PRMT8: variants seen among roughly 807,000 people sequenced by gnomAD.
The protein encoded by PRMT8 is protein arginine methyltransferase 8.
Under a neutral mutation model 47.1 loss-of-function variants are expected in PRMT8, and 7 were observed. The ratio of observed to expected loss-of-function variants is 0.15; its 90% CI spans 0.08 to 0.28. PRMT8 has a LOEUF of 0.28. PRMT8 is among the 10% of genes least tolerant of loss of function. PRMT8 has a pLI of 1.00. For synonymous variants in PRMT8, 188 were observed against 186.5 expected (o/e 1.01, Z -0.07); for missense variants, 237 against 505.4 (o/e 0.47, Z 5.09).
intron 1 of PRMT8, among the ~76,000 whole-genome samples, chr12:3,530,604 C>G (rs1234414235): frequency 6.6e-6 from 1 of 152,050 alleles, no homozygotes; most frequent in Non-Finnish European, 1.5e-5. Flanking sequence ...GATATCAATC[C>G]CATAATGCCC....
Position 3,580,004 on chromosome 12 carries a change from C to G in PRMT8, c.828+3018C>G, listed in dbSNP as rs530209003. On this transcript the variant is annotated intron_variant, in intron 7 of 9. Coordinates refer to ENST00000382622, the MANE Select transcript of PRMT8 (RefSeq NM_019854.5). The surrounding 1 kb of genome is among the most constrained non-coding windows in gnomAD (Gnocchi z 4.6). ...GCTGGGCTCTGGGGAGTCAGGGTAA[C>G]TGGGGCTGATTTGGTTGGGGGTTGG... Among the ~76,000 whole-genome samples, 18 of 152,124 alleles carry G rather than the reference C, an allele frequency of 1.2e-4. No individual in the cohort carries two copies. In the South Asian group the frequency reaches 3.7e-3, roughly 32 times the overall value.
In PRMT8 at chr12:3,393,554, T is replaced by A. The variant is rs570803223; in HGVS notation, c.48+12112T>A. Among the ~76,000 whole-genome samples the A allele has an allele frequency of 1.1e-3, 166 of 152,328 alleles. 2 individuals carry two copies. The South Asian group carries it at 0.019, about 17-fold the overall frequency. On this transcript the variant is annotated intron_variant, in intron 1 of 9. Coordinates refer to the PRMT8 transcript ENST00000452611. ...TGTGGTGTTATTTCTGAGGGCTCTG[T>A]TCTGTTCCATTGGTCTATATCTCTG...
rs138412553 is a variant in PRMT8, at chr12:3,419,474, T to C, written c.48+38032T>C. Among the ~76,000 whole-genome samples the C allele has an allele frequency of 5.8e-3, 884 of 152,280 alleles. 11 individuals carry two copies. The highest frequency in any genetic ancestry group is 0.021 in the African/African-American group (853 of 41,568). On this transcript the variant is annotated intron_variant, in intron 1 of 9. Transcript: ENST00000452611. ...TTTACCTGCTCATCTACCTGGGCTGTCTCTCTTGGAAGATGACACTGCTGA... is the reference window on the plus strand; with the variant it reads ...TTTACCTGCTCATCTACCTGGGCTGCCTCTCTTGGAAGATGACACTGCTGA...
intron 1 of PRMT8, among the ~76,000 whole-genome samples, chr12:3,459,975 A>G (rs1402450208): frequency 6.6e-6 from 1 of 152,106 alleles, no homozygotes; most frequent in Non-Finnish European, 1.5e-5. Flanking sequence ...AAACCCTACC[A>G]CACCGTCATT....
chr12:3,575,285 A>G (rs937281086), intron 6 of PRMT8, among the ~76,000 whole-genome samples: 3 of 152,256 alleles, frequency 2.0e-5, no homozygotes, highest in Admixed American at 1.3e-4. Flanking sequence ...AAACACACAC[A>G]GGAACATACG....
At position 3,527,293 on chromosome 12, in the gene PRMT8, T is replaced by A. The variant is rs183244573; in HGVS notation, c.76-13313T>A. Among the ~76,000 whole-genome samples the A allele has an allele frequency of 1.2e-4, 18 of 152,256 alleles. No individual in the cohort carries two copies. The East Asian group carries it at 2.1e-3, about 18-fold the overall frequency. On this transcript the variant is annotated intron_variant, in intron 1 of 9. Transcript: ENST00000382622. Reference sequence around the variant, plus strand: ...TGAACCATATATGTACTATTTTTTTTAATCTGATAACCAAGACAGTTAAGC... The same window carrying A: ...TGAACCATATATGTACTATTTTTTTAAATCTGATAACCAAGACAGTTAAGC...
At chr12:3,529,013 G>C (rs560522016) in intron 1 of PRMT8, among the ~76,000 whole-genome samples, 2 of 152,328 alleles carry the variant, frequency 1.3e-5, no homozygotes, top group Non-Finnish European at 2.9e-5. Flanking sequence ...CTTTTCAGTA[G>C]TTCTTTTCCG....
intron 1 of PRMT8, among the ~76,000 whole-genome samples, chr12:3,532,069 G>A (rs1314103320): frequency 6.6e-6 from 1 of 152,068 alleles, no homozygotes; most frequent in African/African-American, 2.4e-5. Flanking sequence ...CGGTGGGCTG[G>A]AGATCCACCA....
At chr12:3,587,217 C>A (rs1469931073) in intron 8 of PRMT8, among the ~76,000 whole-genome samples, 1 of 147,672 alleles carries the variant, frequency 6.8e-6, no homozygotes, top group Non-Finnish European at 1.5e-5. Context: ...TAATGAATAT[C>A]CATGAACTCA....
intron 1 of PRMT8, among the ~76,000 whole-genome samples, chr12:3,516,483 G>A (rs1325423991): frequency 1.3e-5 from 2 of 152,190 alleles, no homozygotes; most frequent in African/African-American, 4.8e-5. Context: ...ATTTTATGGG[G>A]GAAACAGACA....
chr12:3,482,050 C>T (rs1865279420), intron 1 of PRMT8, among the ~76,000 whole-genome samples: 3 of 152,168 alleles, frequency 2.0e-5, no homozygotes, highest in Admixed American at 1.3e-4. Context: ...TTTGTCTCAG[C>T]TAACTTGAGA....
At chr12:3,528,283 C>T (rs1591585989) in intron 1 of PRMT8, among the ~76,000 whole-genome samples, 2 of 152,194 alleles carry the variant, frequency 1.3e-5, no homozygotes, top group South Asian at 2.1e-4. Flanking sequence ...GCTACAATTA[C>T]GTTCATATTA....
chr12:3,530,060 T>G (rs1480730188), intron 1 of PRMT8, among the ~76,000 whole-genome samples: 2 of 152,210 alleles, frequency 1.3e-5, no homozygotes, highest in Non-Finnish European at 1.5e-5. Context: ...GAAATCTCCT[T>G]ATCTCCCAGG....
At chr12:3,415,762 C>T (rs996876299) in intron 1 of PRMT8, among the ~76,000 whole-genome samples, 1 of 152,220 alleles carries the variant, frequency 6.6e-6, no homozygotes, top group African/African-American at 2.4e-5. Context: ...CCAAACCCCT[C>T]ACTGTCGTTG....
intron 1 of PRMT8, among the ~76,000 whole-genome samples, chr12:3,529,233 A>T (rs1194368114): frequency 6.6e-6 from 1 of 152,192 alleles, no homozygotes; most frequent in Admixed American, 6.5e-5. Flanking sequence ...TGTTCTCTGT[A>T]TGGTAGGCTG....
chr12:3,516,636 G>T (rs576448408), intron 1 of PRMT8, among the ~76,000 whole-genome samples: 1 of 152,148 alleles, frequency 6.6e-6, no homozygotes, highest in South Asian at 2.1e-4. Context: ...GGTGACATTT[G>T]AATAAAGACT....
At chr12:3,496,214 A>ATATATATATATATTTTTTTTTT in intron 1 of PRMT8, among the ~76,000 whole-genome samples, 1 of 27,774 alleles carries the variant, frequency 3.6e-5, no homozygotes. Context: ...ATATATATAT[A>ATATATATATATATTTTTTTTTT]TTTTTTTTTT....
At chr12:3,532,241 A>G (rs558578962) in intron 1 of PRMT8, among the ~76,000 whole-genome samples, 18 of 149,240 alleles carry the variant, frequency 1.2e-4, no homozygotes, top group Non-Finnish European at 2.1e-4. Flanking sequence ...CCTCTTAGAA[A>G]TTTATATTAT....
At chr12:3,415,215 G>A (rs1864471749) in intron 1 of PRMT8, among the ~76,000 whole-genome samples, 1 of 152,140 alleles carries the variant, frequency 6.6e-6, no homozygotes, top group Non-Finnish European at 1.5e-5. Context: ...GAGATGCATG[G>A]GGCGAGGCAT....
Sources: allele counts gnomAD v4.1 joint callset (sites outside exome capture counted in the v4.1 genomes callset), GRCh38; gene constraint gnomAD v4.1.1; non-coding constraint Gnocchi (gnomAD v3.1); transcripts MANE v1.5; gene names NCBI Gene and HGNC (gene_info 2026-07-23, HGNC 2026-07-21).